The following SYT12 variants were observed in gnomAD, a reference collection of about 807,000 sequenced individuals.
SYT12 encodes the protein synaptotagmin 12.
A neutral mutation model predicts 39.5 loss-of-function variants in SYT12; 27 were observed. That is an observed-to-expected ratio of 0.68 (90% CI 0.50 to 0.94). The LOEUF (loss-of-function observed/expected upper bound fraction) is 0.94. Ranked by LOEUF, SYT12 falls within the 40% of genes least tolerant of loss-of-function variation. The pLI, the probability that SYT12 is intolerant of heterozygous loss-of-function variation, is 0.00. For missense variants in SYT12, 536 were observed against 572.6 expected (o/e 0.94, Z 0.65); for synonymous variants, 233 against 239.7 (o/e 0.97, Z 0.26).
Position 67,048,751 on chromosome 11 carries a change from A to G in SYT12, c.1260A>G (p.Arg420=), listed in dbSNP as rs1353404201. Residue 420 remains arginine, a synonymous_variant, in exon 8 of 8, where the codon CGA becomes CGG. Coordinates refer to ENST00000527043, the MANE Select transcript of SYT12 (RefSeq NM_177963.4). ...RPVSMWHAVR[R]N ...TGTCCATGTGGCACGCTGTCCGGCG[A>G]AACTAGCAACCAGGGCGGGCCAGTT... The G allele has an allele frequency of 3.8e-6, 6 of 1,593,576 alleles. No individual in the cohort carries two copies. The African/African-American group carries it at 8.0e-5, about 21-fold the overall frequency.
intron 3 of SYT12, among the ~76,000 whole-genome samples, chr11:67,035,338 T>TC (rs1950338068): frequency 6.6e-6 from 1 of 151,460 alleles, no homozygotes; most frequent in African/African-American, 2.4e-5. Flanking sequence ...TTTCTTTTTT[T>TC]TTTTTTTTTC....
At chr11:67,020,258 C>G (rs1361988653), upstream of SYT12, among the ~76,000 whole-genome samples, 1 of 152,100 alleles carries the variant, frequency 6.6e-6, no homozygotes, top group African/African-American at 2.4e-5. Context: ...GGGAGAGTCC[C>G]TGAGGCGGAG....
At position 67,044,697 on chromosome 11, in the gene SYT12, C is replaced by T. The variant is rs371812825; in HGVS notation, c.942C>T (p.Asn314=). ...AGGCCAAGAACCTCATCTGGACCAA[C>T]GACAAGACCACAGCGGGTAAGGCCC... ...VVKAKNLIWT[N]DKTTADPFVK... The change falls in exon 6 of 8, where the codon AAC becomes AAT. Residue 314 remains asparagine, a synonymous_variant. Coordinates refer to ENST00000527043, the MANE Select transcript of SYT12 (RefSeq NM_177963.4). The T allele has an allele frequency of 6.2e-6, 10 of 1,613,686 alleles. No homozygotes were observed. The highest frequency in any genetic ancestry group is 1.3e-5 in the African/African-American group (1 of 75,066).
intron 5 of SYT12, 73 bp from the exon 6 acceptor site, chr11:67,044,520 G>T: frequency 2.6e-6 from 4 of 1,550,990 alleles, no homozygotes; most frequent in Non-Finnish European, 3.5e-6. Context: ...CCTTTCCCTG[G>T]CAACCAAGGC....
chr11:67,021,659 TC>T (rs1346556224), upstream of SYT12, among the ~76,000 whole-genome samples: 3 of 152,106 alleles, frequency 2.0e-5, no homozygotes, highest in African/African-American at 7.2e-5. Flanking sequence ...TGTGTCTGAC[TC>T]CCAACTCCCT....
chr11:67,038,145 C>CTATTTATTTATT (rs34884260), intron 3 of SYT12, among the ~76,000 whole-genome samples: 185 of 147,928 alleles, frequency 1.3e-3, no homozygotes, highest in African/African-American at 3.9e-3. Flanking sequence ...GAAAATAAAA[C>CTATTTATTTATT]TATTTATTTA....
At chr11:67,017,705 A>G (rs1950069033) in intron 3 of SYT12, among the ~76,000 whole-genome samples, 1 of 150,396 alleles carries the variant, frequency 6.6e-6, no homozygotes, top group South Asian at 2.2e-4. Context: ...GACACCTGTA[A>G]TCCCAGCACT....
At chr11:67,016,126 C>T (rs1365610717) in intron 3 of SYT12, among the ~76,000 whole-genome samples, 4 of 151,990 alleles carry the variant, frequency 2.6e-5, no homozygotes, top group Non-Finnish European at 5.9e-5. Context: ...ACTAAGAATA[C>T]AAAAATTAGC....
upstream of SYT12, among the ~76,000 whole-genome samples, chr11:67,023,133 G>T (rs1950131107): frequency 2.0e-5 from 3 of 152,194 alleles, no homozygotes; most frequent in Admixed American, 2.0e-4. Flanking sequence ...CGCGCTTGGG[G>T]ATCTCCGGCT....
chr11:67,019,333 G>A (rs971895660), upstream of SYT12, among the ~76,000 whole-genome samples: 4 of 152,026 alleles, frequency 2.6e-5, no homozygotes, highest in Non-Finnish European at 4.4e-5. Flanking sequence ...TTAGCCGGGC[G>A]TGTTGGCGCA....
chr11:67,018,250 C>T (rs961583031), upstream of SYT12, among the ~76,000 whole-genome samples: 21 of 150,898 alleles, frequency 1.4e-4, no homozygotes, highest in Admixed American at 2.6e-4. Flanking sequence ...GGGACAAGAG[C>T]GAAACTCTGT....
intron 2 of SYT12, chr11:67,031,938 C>T (rs1343997028): frequency 6.6e-6 from 1 of 152,284 alleles, no homozygotes; most frequent in Non-Finnish European, 1.5e-5. Context: ...TACACCAAGC[C>T]TTAGCAGGGC....
chr11:67,027,266 C>T (rs1205998021), intron 1 of SYT12: 1 of 152,260 alleles, frequency 6.6e-6, no homozygotes, highest in Non-Finnish European at 1.5e-5. Flanking sequence ...TTTGGGAGGC[C>T]AAGATGGGAG....
intron 7 of SYT12, 125 bp downstream of exon 7, chr11:67,046,002 T>C: frequency 2.3e-6 from 3 of 1,300,066 alleles, no homozygotes; most frequent in Non-Finnish European, 3.2e-6. Context: ...CATCACTTTC[T>C]AGCAGTTATT....
intron 1 of SYT12, chr11:67,028,127 G>A (rs1591360183): frequency 6.6e-6 from 1 of 152,148 alleles, no homozygotes; most frequent in African/African-American, 2.4e-5. Flanking sequence ...TTACGCCCTG[G>A]GACTCTCACC....
chr11:67,007,528 G>A (rs1334261974), intron 1 of SYT12: 1 of 152,196 alleles, frequency 6.6e-6, no homozygotes, highest in Non-Finnish European at 1.5e-5. Context: ...GGGTGGGGAG[G>A]AGGAATTCGT....
intron 3 of SYT12, among the ~76,000 whole-genome samples, chr11:67,037,116 AT>A (rs1292112891): frequency 6.6e-6 from 1 of 152,074 alleles, no homozygotes. Context: ...TTAGCTGAGC[AT>A]GGTGGCAGGC....
At chr11:67,015,695 G>A (rs1950052382) in intron 3 of SYT12, among the ~76,000 whole-genome samples, 1 of 152,204 alleles carries the variant, frequency 6.6e-6, no homozygotes, top group Admixed American at 6.5e-5. Context: ...TAATGAATAT[G>A]GAGAGGGTTT....
chr11:67,024,273 C>G (rs1293895612), intron 1 of SYT12, among the ~76,000 whole-genome samples: 1 of 152,228 alleles, frequency 6.6e-6, no homozygotes, highest in African/African-American at 2.4e-5. Context: ...TTTTAGAGAG[C>G]AGCAGCAATA....
Sources: allele counts gnomAD v4.1 joint callset (sites outside exome capture counted in the v4.1 genomes callset), GRCh38; gene constraint gnomAD v4.1.1; transcripts MANE v1.5; gene names NCBI Gene and HGNC (gene_info 2026-07-23, HGNC 2026-07-21).